Variants in MOCOS observed in about 807,000 individuals in gnomAD.
MOCOS encodes human molybdenum cofactor sulfurase.
MOCOS carries 86 observed loss-of-function variants against 83.6 expected under a neutral mutation model. The ratio of observed to expected loss-of-function variants is 1.03; its 90% CI spans 0.86 to 1.23. The LOEUF is 1.23. Among genes scored for constraint, MOCOS ranks in the 50% most tolerant of loss-of-function variants. MOCOS has a pLI of 0.00. For missense variants in MOCOS, 1,120 were observed against 1,126.9 expected, an observed-to-expected ratio of 0.99 and a Z score of 0.09; for synonymous variants, 445 against 434.7, an observed-to-expected ratio of 1.02 and a Z score of -0.29.
At chr18:36,201,245 G>T (rs1299910590) in intron 4 of MOCOS, among the ~76,000 whole-genome samples, 2 of 152,248 alleles carry the variant, frequency 1.3e-5, no homozygotes, top group African/African-American at 2.4e-5. Context: ...CTTGACGATA[G>T]AGTCAGTGTT....
chr18:36,214,751 G>A (rs1568054571), intron 7 of MOCOS, among the ~76,000 whole-genome samples: 1 of 152,066 alleles, frequency 6.6e-6, no homozygotes, highest in East Asian at 1.9e-4. Context: ...AGGAGAGAGG[G>A]AGGAGAAGAA....
Position 36,225,214 on chromosome 18 carries a change from C to T in MOCOS, c.1960+4997C>T, listed in dbSNP as rs190947275. On this transcript the variant is annotated intron_variant, in intron 9 of 14. Transcript: ENST00000261326. ...GTTGCCAGGCTGGAGTGCAGTGGCACGATCTCGGCTCACTGCAACCTCCGC... is the reference window on the plus strand; with the variant it reads ...GTTGCCAGGCTGGAGTGCAGTGGCATGATCTCGGCTCACTGCAACCTCCGC... Among the ~76,000 whole-genome samples the T allele has an allele frequency of 8.8e-4, 134 of 152,166 alleles. 1 individual carries two copies. Among genetic ancestry groups the T allele is most frequent in the African/African-American group, 3.0e-3 (123 of 41,516 alleles).
Position 36,232,223 on chromosome 18 carries a change from C to T in MOCOS, c.1960+12006C>T, listed in dbSNP as rs988774575. Among the ~76,000 whole-genome samples, 14 of 152,304 alleles carry T rather than the reference C, an allele frequency of 9.2e-5. No individual in the cohort carries two copies. The South Asian group carries it at 2.9e-3, about 32-fold the overall frequency. On this transcript the variant is annotated intron_variant, in intron 9 of 14. Coordinates refer to ENST00000261326, the MANE Select transcript of MOCOS (RefSeq NM_017947.4). The stretch of plus-strand genomic sequence containing the variant: ...CTCCTGAGCTCAAGCGATCCACCTG[C>T]CTCGGCCTCTGAAATTGCTGAGATT...
At position 36,271,836 on chromosome 18, in the gene MOCOS, GAGA is replaced by G. The variant is rs762595404; in HGVS notation, c.*3156_*3158del. The G allele has an allele frequency of 3.9e-5, 6 of 152,196 alleles. No individual in the cohort carries two copies. Among genetic ancestry groups the G allele is most frequent in the Non-Finnish European group, 8.8e-5 (6 of 68,036 alleles). 9.4% of individuals were successfully genotyped at this position (152,196 alleles called of 1,614,324 possible). On this transcript the variant is annotated 3_prime_UTR_variant, in exon 15 of 15. Coordinates refer to ENST00000261326, the MANE Select transcript of MOCOS (RefSeq NM_017947.4). Reference sequence around the variant, plus strand: ...CATCCCCTCCTCAGCCTTGTGGATGGAGAAGAACAGGCAGTGATATACATTTTC... The same window carrying G: ...CATCCCCTCCTCAGCCTTGTGGATGGAGAACAGGCAGTGATATACATTTTC...
intron 10 of MOCOS, among the ~76,000 whole-genome samples, chr18:36,249,400 T>G (rs2091614228): frequency 6.6e-6 from 1 of 152,172 alleles, no homozygotes; most frequent in Admixed American, 6.5e-5. Flanking sequence ...CCTTTGTTGT[T>G]TCCAAGTTAA....
At chr18:36,262,938 A>G (rs1320706376) in intron 13 of MOCOS, among the ~76,000 whole-genome samples, 1 of 152,138 alleles carries the variant, frequency 6.6e-6, no homozygotes, top group Non-Finnish European at 1.5e-5. Context: ...GCAAGACTTT[A>G]TCTCTACAGA....
Position 36,200,268 on chromosome 18 carries a change from C to T in MOCOS, c.885C>T (p.Ala295=). Residue 295 remains alanine (A), a synonymous_variant, in exon 4 of 15, where the codon GCC becomes GCT. Transcript: ENST00000261326. ...AGACCTACTTTGGAGGAGGGACAGC[C>T]TCTGCGTACCTAGCAGGAGAAGACT... ...LRKTYFGGGT[A]SAYLAGEDFY... 2 of 1,614,142 alleles carry T rather than the reference C, an allele frequency of 1.2e-6. No homozygotes were observed. Among genetic ancestry groups the T allele is most frequent in the Non-Finnish European group, 8.5e-7 (1 of 1,180,024 alleles).
At chr18:36,234,571 G>A (rs952300905) in intron 9 of MOCOS, among the ~76,000 whole-genome samples, 2 of 152,088 alleles carry the variant, frequency 1.3e-5, no homozygotes, top group Non-Finnish European at 2.9e-5. Context: ...TGTGAATAAT[G>A]ATGACGGCAT....
chr18:36,191,038 G>A (rs28645442), intron 1 of MOCOS, among the ~76,000 whole-genome samples: 1,091 of 30,812 alleles, frequency 0.035, 50 homozygotes, highest in South Asian at 0.077. Flanking sequence ...AAAAGAAAAA[G>A]AAAAAAAAGT....
intron 13 of MOCOS, among the ~76,000 whole-genome samples, chr18:36,261,827 A>C (rs1431173062): frequency 6.6e-6 from 1 of 152,156 alleles, no homozygotes; most frequent in Non-Finnish European, 1.5e-5. Flanking sequence ...TGTTTTTTAA[A>C]AAAATGCCTA....
intron 1 of MOCOS, 24 bp from the exon 2 acceptor site, chr18:36,195,233 T>C: frequency 1.2e-6 from 2 of 1,602,842 alleles, no homozygotes; most frequent in Admixed American, 1.7e-5. Flanking sequence ...AAAATTTTAG[T>C]ATTTATTTTG....
At position 36,215,333 on chromosome 18, in the gene MOCOS, C is replaced by T. The variant is rs73946792; in HGVS notation, c.1336-183C>T. On this transcript the variant is annotated intron_variant, in intron 7 of 14. Transcript: ENST00000261326. Reference sequence around the variant, plus strand: ...ATTTACAGTTGAGCAAAATGAGATCCAGAAAGTGGTCCCCTGCAGGTAGAG... The same window carrying T: ...ATTTACAGTTGAGCAAAATGAGATCTAGAAAGTGGTCCCCTGCAGGTAGAG... Among the ~76,000 whole-genome samples the T allele has an allele frequency of 0.023, 3,567 of 152,234 alleles. 134 individuals carry two copies. Among genetic ancestry groups the T allele is most frequent in the African/African-American group, 0.08 (3,343 of 41,532 alleles).
At chr18:36,229,891 A>G (rs2091531655) in intron 9 of MOCOS, among the ~76,000 whole-genome samples, 1 of 151,740 alleles carries the variant, frequency 6.6e-6, no homozygotes, top group Admixed American at 6.6e-5. Context: ...CGAACTATTC[A>G]TTTTGTTCAT....
chr18:36,219,193 ATTTTT>A (rs200647128), intron 8 of MOCOS, among the ~76,000 whole-genome samples: 7 of 56,964 alleles, frequency 1.2e-4, no homozygotes, highest in South Asian at 2.1e-3. Context: ...ATTTTATTTT[ATTTTT>A]TTTTTTGACA....
chr18:36,193,839 C>T (rs1004720726), intron 1 of MOCOS, among the ~76,000 whole-genome samples: 5 of 152,152 alleles, frequency 3.3e-5, no homozygotes, highest in Admixed American at 6.6e-5. Context: ...AAAACTTGTA[C>T]ACCAGTATTC....
At chr18:36,234,492 G>A (rs2091550135) in intron 9 of MOCOS, among the ~76,000 whole-genome samples, 1 of 152,112 alleles carries the variant, frequency 6.6e-6, no homozygotes. Flanking sequence ...TTTTTGCTTA[G>A]TCTTGCTTTG....
At chr18:36,227,258 G>C (rs2091521018) in intron 9 of MOCOS, among the ~76,000 whole-genome samples, 1 of 151,804 alleles carries the variant, frequency 6.6e-6, no homozygotes, top group Non-Finnish European at 1.5e-5. Flanking sequence ...AAGAGATGTG[G>C]TCTCACTCTG....
Position 36,220,116 on chromosome 18 carries a change from A to G in MOCOS, c.1859A>G (p.Asn620Ser). 1 of 1,614,066 alleles carries G rather than the reference A, an allele frequency of 6.2e-7. No homozygotes were observed. Among genetic ancestry groups the G allele is most frequent in the Non-Finnish European group, 8.5e-7 (1 of 1,180,022 alleles). Residue 620 changes from asparagine to serine, a missense_variant, in exon 9 of 15, where the codon AAT becomes AGT. Physicochemically the swap from Asn to Ser is conservative, Grantham distance 46. Transcript: ENST00000261326. ...TATGACCGGAGCTGGATGGTTGTGA[A>G]TCACAATGGTGTTTGCCTGAGTCAG... ...LLYDRSWMVVNHNGVCLSQKQ... is the reference protein window; with the variant it reads ...LLYDRSWMVVSHNGVCLSQKQ...
At chr18:36,222,075 T>C (rs1324677434) in intron 9 of MOCOS, among the ~76,000 whole-genome samples, 3 of 152,194 alleles carry the variant, frequency 2.0e-5, no homozygotes, top group Non-Finnish European at 4.4e-5. Flanking sequence ...CAGAATCTCT[T>C]TTAAGATTGA....
Sources: gnomAD v4.1 joint callset for allele counts (sites outside exome capture counted in the v4.1 genomes callset) on GRCh38, gnomAD v4.1.1 for gene constraint, MANE v1.5 for transcripts, NCBI Gene and HGNC (gene_info 2026-07-23, HGNC 2026-07-21) for gene names.